Variants in TMEM94 observed in about 807,000 individuals in gnomAD.
TMEM94 encodes the protein transmembrane protein 94.
Under a neutral mutation model 158.6 loss-of-function variants are expected in TMEM94, and 81 were observed. That is an observed-to-expected ratio of 0.51 (90% CI 0.43 to 0.61). TMEM94 has a LOEUF of 0.61. Among genes scored for constraint, TMEM94 ranks in the 20% least tolerant of loss-of-function variants. TMEM94 has a pLI of 0.00. For missense variants in TMEM94, 1,435 were observed against 1,762.0 expected, an observed-to-expected ratio of 0.81 and a Z score of 3.32; for synonymous variants, 751 against 730.7, an observed-to-expected ratio of 1.03 and a Z score of -0.45.
chr17:75,476,916 G>C (rs1292954446), intron 2 of TMEM94, among the ~76,000 whole-genome samples: 2 of 152,210 alleles, frequency 1.3e-5, no homozygotes, highest in Admixed American at 1.3e-4. Context: ...GGGAATGAGA[G>C]CCAGAAGGCC....
chr17:75,476,610 T>A, intron 2 of TMEM94: 4 of 1,523,276 alleles, frequency 2.6e-6, no homozygotes, highest in Non-Finnish European at 3.5e-6. Flanking sequence ...CTTCTCTCTC[T>A]CTCTCTTTTC....
chr17:75,488,978 G>T, intron 7 of TMEM94, 68 bp downstream of exon 7: 1 of 1,503,618 alleles, frequency 6.7e-7, no homozygotes, highest in Non-Finnish European at 8.9e-7. Flanking sequence ...GGACTGACAA[G>T]GAAGGGGCCC....
chr17:75,457,994 C>T (rs951354114), intron 1 of TMEM94, among the ~76,000 whole-genome samples: 1 of 152,126 alleles, frequency 6.6e-6, no homozygotes, highest in Non-Finnish European at 1.5e-5. Context: ...GTCTTCATAC[C>T]TGGTTTGCAT....
rs146584928 is a variant in TMEM94 at position 75,485,477 on chromosome 17, T to C, written c.74T>C (p.Val25Ala). 44 of 1,613,988 alleles carry C rather than the reference T, an allele frequency of 2.7e-5. No individual in the cohort carries two copies. The highest frequency in any genetic ancestry group is 6.7e-5 in the African/African-American group (5 of 74,914). The change falls in exon 3 of 32, where the codon GTC becomes GCC. Residue 25 changes from valine (V) to alanine (A), a missense_variant. Around this residue, in one of 3 missense-constraint regions of TMEM94, gnomAD observed 1,051 missense variants for 1,254.4 expected, o/e 0.84. Transcript: ENST00000314256. The surrounding 1 kb of genome is among the most constrained non-coding windows in gnomAD (Gnocchi z 5.5). ...LGLSTRKALS[V>A]LKEQLEAVLE... Reference sequence around the variant, plus strand: ...CTGTCCACGCGGAAGGCCCTCAGCGTCCTGAAGGAGCAGCTGGAGGCAGTG... The same window carrying C: ...CTGTCCACGCGGAAGGCCCTCAGCGCCCTGAAGGAGCAGCTGGAGGCAGTG...
chr17:75,462,688 A>C (rs945537393), intron 1 of TMEM94, among the ~76,000 whole-genome samples: 1 of 150,854 alleles, frequency 6.6e-6, no homozygotes, highest in South Asian at 2.1e-4. Context: ...ATTAAAAAAA[A>C]TTAAAAATAT....
rs2051896034 is a variant in TMEM94 at position 75,489,076 on chromosome 17, C to T, written c.764+166C>T. Among the ~76,000 whole-genome samples the T allele has an allele frequency of 6.6e-6, 1 of 152,210 alleles. No individual in the cohort carries two copies. Among genetic ancestry groups the T allele is most frequent in the African/African-American group, 2.4e-5 (1 of 41,452 alleles). ...TGAGAATTCTTAGACTGAGTGGTGC[C>T]CTCTCCCAGTCTCTACTCTGAGGGG... On this transcript the variant is annotated intron_variant, in intron 7 of 31. Coordinates refer to ENST00000314256, the MANE Select transcript of TMEM94 (RefSeq NM_014738.6). This position sits in a 1 kb window ranked among gnomAD's most constrained non-coding sequence, Gnocchi z 5.0.
intron 1 of TMEM94, among the ~76,000 whole-genome samples, chr17:75,471,541 C>T (rs528239844): frequency 3.9e-5 from 6 of 152,112 alleles, no homozygotes; most frequent in Middle Eastern, 3.4e-3. Context: ...GCTAACATGG[C>T]AAAACCCTGT....
Position 75,488,216 on chromosome 17 carries a change from C to T in TMEM94, c.612+82C>T, listed in dbSNP as rs1170547354. ...GATGGGAGGGTCCCCAGACTTCATC[C>T]GGAAGCTTCCCGGCCAGCTTACTGG... On this transcript the variant is annotated intron_variant, in intron 6 of 31. Coordinates refer to ENST00000314256, the MANE Select transcript of TMEM94 (RefSeq NM_014738.6). 1.5e-5 allele frequency: 21 copies of T among 1,362,004 alleles called. No homozygotes were observed. The East Asian group carries it at 3.2e-4, about 21-fold the overall frequency. 84.4% of individuals were successfully genotyped at this position (1,362,004 alleles called of 1,614,324 possible).
chr17:75,463,540 C>T (rs1598305136), intron 1 of TMEM94, among the ~76,000 whole-genome samples: 4 of 152,240 alleles, frequency 2.6e-5, no homozygotes. Context: ...CAGACTTCCT[C>T]GTCTGTTGTT....
chr17:75,497,935 G>GC (rs749966544), intron 27 of TMEM94, 73 bp downstream of exon 27: 125 of 1,416,914 alleles, frequency 8.8e-5, no homozygotes, highest in Admixed American at 2.9e-4. Flanking sequence ...GGAGAGAGGG[G>GC]CTAATCTGGA....
intron 18 of TMEM94, among the ~76,000 whole-genome samples, chr17:75,494,315 G>A (rs143840315): frequency 0.016 from 2,409 of 152,240 alleles, 58 homozygotes; most frequent in African/African-American, 0.055. Context: ...CACCAGACAC[G>A]CACACTTCCC....
intron 1 of TMEM94, among the ~76,000 whole-genome samples, chr17:75,471,251 A>AAAAAAAAG (rs1555622618): frequency 7.1e-6 from 1 of 141,388 alleles, no homozygotes; most frequent in African/African-American, 3.0e-5. Flanking sequence ...AAAAAAAAAA[A>AAAAAAAAG]AAAGAAAGAA....
At position 75,499,037 on chromosome 17, in the gene TMEM94, T is replaced by C; in HGVS notation, c.3953T>C (p.Val1318Ala). 6.2e-7 allele frequency: 1 copy of C among 1,601,724 alleles called. No individual in the cohort carries two copies. Among genetic ancestry groups the C allele is most frequent in the South Asian group, 1.1e-5 (1 of 90,700 alleles). ...TGGCTCCTGGGCTGCCTGTCCCTGG[T>C]CCTTGTGGTGGTGACCAATGAGATC... is the stretch of plus-strand genomic sequence containing the variant. ...LTWLLGCLSL[V>A]LVVVTNEIVK... The change falls in exon 31 of 32, where the codon GTC becomes GCC. Residue 1318 changes from valine to alanine, a missense_variant. Val to Ala is a moderately conservative substitution (Grantham distance 64). Coordinates refer to ENST00000314256, the MANE Select transcript of TMEM94 (RefSeq NM_014738.6).
chr17:75,471,323 T>C (rs1259076275), intron 1 of TMEM94, among the ~76,000 whole-genome samples: 1 of 151,964 alleles, frequency 6.6e-6, no homozygotes, highest in Admixed American at 6.6e-5. Context: ...ATCCTCTCTG[T>C]AGCCCTCTCC....
At position 75,495,497 on chromosome 17, in the gene TMEM94, G is replaced by A. The variant is rs763721522; in HGVS notation, c.2845-47G>A. On this transcript the variant is annotated intron_variant, in intron 21 of 31. Transcript: ENST00000314256. The surrounding 1 kb of genome is among the most constrained non-coding windows in gnomAD (Gnocchi z 5.6). ...TGGTGGGCAGGCGGTGGAGGGGAGG[G>A]ATGCTGATCCCCATCCCGAAGCCGC... The A allele has an allele frequency of 2.5e-6, 4 of 1,601,188 alleles. No homozygotes were observed. The South Asian group carries it at 4.4e-5, about 18-fold the overall frequency.
intron 16 of TMEM94, 68 bp from the exon 17 acceptor site, chr17:75,493,423 G>A (rs2146777880): frequency 6.8e-7 from 1 of 1,474,360 alleles, no homozygotes; most frequent in East Asian, 2.3e-5. Flanking sequence ...GGAGGACAGT[G>A]CGTTGCCTGT....
intron 2 of TMEM94, among the ~76,000 whole-genome samples, chr17:75,477,401 G>A (rs1164735198): frequency 6.6e-6 from 1 of 152,084 alleles, no homozygotes; most frequent in Non-Finnish European, 1.5e-5. Flanking sequence ...CACTGACGAC[G>A]ACAGTGGGGA....
At chr17:75,493,148 G>A in intron 16 of TMEM94, 46 bp downstream of exon 16, 3 of 1,584,598 alleles carry the variant, frequency 1.9e-6, no homozygotes, top group Non-Finnish European at 2.6e-6. Context: ...ACCTTCCAGA[G>A]CTTGGCAGGG....
chr17:75,495,867 C>T lies in TMEM94; in HGVS notation c.2945-99C>T. 1 of 907,792 alleles carries T rather than the reference C, an allele frequency of 1.1e-6. No homozygotes were observed. The highest frequency in any genetic ancestry group is 1.5e-5 in the South Asian group (1 of 66,114). 56.2% of individuals were successfully genotyped at this position (907,792 alleles called of 1,614,324 possible). On this transcript the variant is annotated intron_variant, in intron 22 of 31. Transcript: ENST00000314256. The surrounding 1 kb of genome is among the most constrained non-coding windows in gnomAD (Gnocchi z 5.6). Reference sequence around the variant, plus strand: ...GGGATTGTTTCAAAGAGGGGCCCACCTCCCATCGCCTCCTGCTCTCCTGTC... The same window carrying T: ...GGGATTGTTTCAAAGAGGGGCCCACTTCCCATCGCCTCCTGCTCTCCTGTC...
Sources: allele counts gnomAD v4.1 joint callset (sites outside exome capture counted in the v4.1 genomes callset), GRCh38; gene constraint gnomAD v4.1.1; regional missense constraint gnomAD v4.1.1; non-coding constraint Gnocchi (gnomAD v3.1); transcripts MANE v1.5; gene names NCBI Gene and HGNC (gene_info 2026-07-23, HGNC 2026-07-21).